ACMSD: variants seen among roughly 807,000 people sequenced by gnomAD.
ACMSD encodes the protein aminocarboxymuconate semialdehyde decarboxylase.
Under a neutral mutation model 45.9 loss-of-function variants are expected in ACMSD, and 37 were observed. The observed-to-expected ratio is 0.81, with a 90% CI of 0.62 to 1.06. ACMSD has a LOEUF of 1.06. Among genes scored for constraint, ACMSD ranks in the 50% least tolerant of loss-of-function variants. The pLI, the probability that ACMSD is intolerant of heterozygous loss-of-function variation, is 0.00. For missense variants in ACMSD, 434 were observed against 420.9 expected, an observed-to-expected ratio of 1.03 and a Z score of -0.27; for synonymous variants, 138 against 148.8, an observed-to-expected ratio of 0.93 and a Z score of 0.53.
At chr2:134,869,706 G>GTA (rs149963659) in intron 6 of ACMSD, among the ~76,000 whole-genome samples, 19,183 of 144,906 alleles carry the variant, frequency 0.13, 1,316 homozygotes, top group East Asian at 0.32. Context: ...TTATAAACAA[G>GTA]TATATATATA....
At chr2:134,895,618 T>G (rs1393548432) in intron 8 of ACMSD, among the ~76,000 whole-genome samples, 1 of 151,994 alleles carries the variant, frequency 6.6e-6, no homozygotes, top group Non-Finnish European at 1.5e-5. Flanking sequence ...CCCAGCACTT[T>G]GGGAGGCCAA....
At chr2:134,845,681 G>T (rs1687024199) in intron 2 of ACMSD, among the ~76,000 whole-genome samples, 1 of 151,902 alleles carries the variant, frequency 6.6e-6, no homozygotes, top group Admixed American at 6.6e-5. Flanking sequence ...AGTTAGGTTT[G>T]AGCACAAGCT....
intron 3 of ACMSD, 82 bp from the exon 4 acceptor site, chr2:134,861,887 G>C (rs1272401398): frequency 8.0e-6 from 12 of 1,499,200 alleles, no homozygotes; most frequent in Non-Finnish European, 1.0e-5. Flanking sequence ...GTGGAGGCTT[G>C]CTGCCGCTTG....
At chr2:134,896,873 C>G (rs902753881) in intron 8 of ACMSD, among the ~76,000 whole-genome samples, 1 of 152,026 alleles carries the variant, frequency 6.6e-6, no homozygotes, top group African/African-American at 2.4e-5. Context: ...TATGTGATTC[C>G]ATTTATGTGA....
chr2:134,867,841 A>C (rs1268909953), intron 6 of ACMSD, 169 bp downstream of exon 6: 11 of 405,656 alleles, frequency 2.7e-5, no homozygotes, highest in East Asian at 2.7e-4. Context: ...ATATATATAT[A>C]TATAACCTCA....
chr2:134,895,945 C>CT (rs1175291768), intron 8 of ACMSD, among the ~76,000 whole-genome samples: 3 of 152,134 alleles, frequency 2.0e-5, no homozygotes, highest in African/African-American at 7.2e-5. Context: ...AACTTCAAAA[C>CT]TTTCTACACA....
rs528246682 is a variant in ACMSD at position 134,881,328 on chromosome 2, C to G, written c.849+8687C>G. ...TTTCTTTATTTTTAATGGAGAATCT[C>G]GAAATTCTTGTTCTGTAAAATAGAA... On this transcript the variant is annotated intron_variant, in intron 8 of 9. Transcript: ENST00000356140. 2.4e-4 allele frequency among the ~76,000 whole-genome samples: 36 copies of G among 152,274 alleles called. 1 individual carries two copies. Among genetic ancestry groups the G allele is most frequent in the Admixed American group, 1.8e-3 (28 of 15,280 alleles).
intron 7 of ACMSD, 128 bp from the exon 8 acceptor site, chr2:134,872,341 G>A: frequency 1.0e-6 from 1 of 1,001,010 alleles, no homozygotes; most frequent in Non-Finnish European, 1.5e-6. Flanking sequence ...CCAGCATTCA[G>A]AACACAATAG....
Position 134,867,507 on chromosome 2 carries a change from C to T in ACMSD, c.487-72C>T. ...TATAGACTCAGAGAAAAGCAGTTTCCCCAAAACAGTACCTGGTATCTGCTC... is the reference window on the plus strand; with the variant it reads ...TATAGACTCAGAGAAAAGCAGTTTCTCCAAAACAGTACCTGGTATCTGCTC... On this transcript the variant is annotated intron_variant, in intron 5 of 9. Transcript: ENST00000356140. 26 of 1,231,702 alleles carry T rather than the reference C, an allele frequency of 2.1e-5. No homozygotes were observed. The South Asian group carries it at 2.9e-4, about 14-fold the overall frequency. The allele number at this position is 1,231,702 out of a possible 1,614,324, so 76.3% of individuals were successfully genotyped here. A position where few individuals can be genotyped will look rare whatever the true frequency, so the allele number is the denominator to read the frequency against.
chr2:134,841,028 C>G (rs947294287), intron 1 of ACMSD, among the ~76,000 whole-genome samples: 9 of 152,118 alleles, frequency 5.9e-5, no homozygotes, highest in Non-Finnish European at 8.8e-5. Flanking sequence ...TTTTTCATTC[C>G]AAACCAGGTT....
At chr2:134,885,277 AT>A (rs1310151348) in intron 8 of ACMSD, among the ~76,000 whole-genome samples, 1 of 60,748 alleles carries the variant, frequency 1.6e-5, no homozygotes, top group East Asian at 1.2e-3. Context: ...AAATATATAT[AT>A]TATATATTAT....
chr2:134,869,423 G>A (rs931814853), intron 6 of ACMSD, among the ~76,000 whole-genome samples: 5 of 151,994 alleles, frequency 3.3e-5, no homozygotes, highest in African/African-American at 1.2e-4. Context: ...ATGTTGGCCA[G>A]GCTGTTCTCA....
intron 8 of ACMSD, among the ~76,000 whole-genome samples, chr2:134,895,316 A>T (rs199634193): frequency 0.068 from 3,340 of 49,200 alleles, 246 homozygotes; most frequent in East Asian, 0.54. Context: ...AAAGAAAAAA[A>T]ATATATATAT....
Position 134,882,598 on chromosome 2 carries a change from G to C in ACMSD, c.849+9957G>C, listed in dbSNP as rs537903222. 4.6e-5 allele frequency among the ~76,000 whole-genome samples: 7 copies of C among 152,152 alleles called. 1 individual carries two copies. Among genetic ancestry groups the C allele is most frequent in the Non-Finnish European group, 8.8e-5 (6 of 68,030 alleles). On this transcript the variant is annotated intron_variant, in intron 8 of 9. Coordinates refer to ENST00000356140, the MANE Select transcript of ACMSD (RefSeq NM_138326.3). ...TATAAAGCTAATTTTACTTTGCATTGATTGAATTAAACCAGGCTCTTTCTC... is the reference window on the plus strand; with the variant it reads ...TATAAAGCTAATTTTACTTTGCATTCATTGAATTAAACCAGGCTCTTTCTC...
chr2:134,895,338 A>ATATATGTTATATATATATATATAAT (rs1553517011), intron 8 of ACMSD, among the ~76,000 whole-genome samples: 1 of 145,428 alleles, frequency 6.9e-6, no homozygotes, highest in African/African-American at 2.5e-5. Context: ...TTATATATAT[A>ATATATGTTATATATATATATATAAT]ATATATATAT....
chr2:134,869,369 C>G (rs139561853), intron 6 of ACMSD, among the ~76,000 whole-genome samples: 6 of 152,042 alleles, frequency 3.9e-5, no homozygotes, highest in African/African-American at 1.4e-4. Context: ...CACGCCACCA[C>G]GCACAGCTAA....
chr2:134,846,567 A>G (rs997522551), intron 2 of ACMSD, among the ~76,000 whole-genome samples: 1 of 151,888 alleles, frequency 6.6e-6, no homozygotes, highest in Non-Finnish European at 1.5e-5. Context: ...CCATGCCCAG[A>G]TCATTATTTT....
intron 2 of ACMSD, among the ~76,000 whole-genome samples, chr2:134,858,940 C>G (rs1687717989): frequency 6.8e-6 from 1 of 147,888 alleles, no homozygotes; most frequent in Admixed American, 6.9e-5. Context: ...GGGCCATCCT[C>G]TTGTATCTAG....
chr2:134,850,199 TTC>T (rs1272018331), intron 2 of ACMSD, among the ~76,000 whole-genome samples: 8 of 151,976 alleles, frequency 5.3e-5, no homozygotes, highest in African/African-American at 1.9e-4. Flanking sequence ...TTCATGAATC[TTC>T]TTTCTCAGTT....
Sources: allele counts gnomAD v4.1 joint callset (sites outside exome capture counted in the v4.1 genomes callset), GRCh38; gene constraint gnomAD v4.1.1; transcripts MANE v1.5; gene names NCBI Gene and HGNC (gene_info 2026-07-23, HGNC 2026-07-21).